Variants in ZNF25 observed in about 807,000 individuals in gnomAD.
ZNF25 encodes the protein zinc finger protein 25.
Under a neutral mutation model 30.9 loss-of-function variants are expected in ZNF25, and 21 were observed. The observed-to-expected ratio is 0.68, with a 90% CI of 0.48 to 0.98. ZNF25 has a LOEUF of 0.98. Among genes scored for constraint, ZNF25 ranks in the 50% least tolerant of loss-of-function variants. The pLI is 0.00. For missense variants in ZNF25, 501 were observed against 529.9 expected (o/e 0.95, Z 0.54); for synonymous variants, 169 against 181.3 (o/e 0.93, Z 0.55).
At chr10:37,961,772 T>G (rs996518961) in intron 2 of ZNF25, among the ~76,000 whole-genome samples, 4 of 148,192 alleles carry the variant, frequency 2.7e-5, no homozygotes, top group Non-Finnish European at 6.0e-5. Context: ...AAATACAAAA[T>G]TAGCCAGGCG....
Position 37,957,527 on chromosome 10 carries a change from T to A in ZNF25, c.35A>T (p.Asp12Val). Residue 12 changes from aspartate (D) to valine (V), a missense_variant, in exon 3 of 6, where the codon GAT becomes GTT. Transcript: ENST00000302609. ...NKFQGPVTLK[D>V]VIVEFTKEEW... ...TTCCTTGGTGAATTCCACAATAACA[T>A]CCTTTAATGTCACGGGTCCCTGGAA... is the stretch of plus-strand genomic sequence containing the variant. 1 of 1,613,508 alleles carries A rather than the reference T, an allele frequency of 6.2e-7. No individual in the cohort carries two copies. The highest frequency in any genetic ancestry group is 8.5e-7 in the Non-Finnish European group (1 of 1,179,726).
intron 4 of ZNF25, among the ~76,000 whole-genome samples, chr10:37,955,197 G>A (rs1323965562): frequency 6.6e-6 from 1 of 151,904 alleles, no homozygotes; most frequent in Non-Finnish European, 1.5e-5. Context: ...TAAGAGCATA[G>A]TAAAATGGAG....
chr10:37,971,135 G>A (rs950996826), intron 2 of ZNF25, among the ~76,000 whole-genome samples: 6 of 151,912 alleles, frequency 3.9e-5, no homozygotes, highest in African/African-American at 7.3e-5. Flanking sequence ...GCCAACATGG[G>A]GAAACCCCTT....
chr10:37,953,658 C>T, intron 5 of ZNF25, 37 bp downstream of exon 5: 1 of 1,600,518 alleles, frequency 6.2e-7, no homozygotes, highest in Non-Finnish European at 8.6e-7. Context: ...CTCTTGCTTA[C>T]AAATCTTCTA....
At chr10:37,958,016 C>T (rs571179946) in intron 2 of ZNF25, among the ~76,000 whole-genome samples, 1 of 152,232 alleles carries the variant, frequency 6.6e-6, no homozygotes, top group African/African-American at 2.4e-5. Flanking sequence ...TCAGCTGTAC[C>T]ATCTAGGCTT....
chr10:37,964,843 G>C (rs2063094176), intron 2 of ZNF25, among the ~76,000 whole-genome samples: 2 of 152,186 alleles, frequency 1.3e-5, no homozygotes, highest in Non-Finnish European at 2.9e-5. Flanking sequence ...AACAATCCAA[G>C]ACAATGGGGA....
At chr10:37,976,446 C>T (rs954619181) in intron 1 of ZNF25, 60 bp downstream of exon 1, 9 of 152,286 alleles carry the variant, frequency 5.9e-5, no homozygotes, top group African/African-American at 1.9e-4. Context: ...CAGGAGGCGG[C>T]TTCCAGGCTC....
intron 2 of ZNF25, among the ~76,000 whole-genome samples, chr10:37,969,883 T>C (rs923133816): frequency 2.0e-5 from 3 of 152,208 alleles, no homozygotes; most frequent in Non-Finnish European, 2.9e-5. Flanking sequence ...CAATTATATG[T>C]AATTTCTTCC....
intron 1 of ZNF25, among the ~76,000 whole-genome samples, chr10:37,972,719 T>C (rs1458195977): frequency 6.6e-6 from 1 of 152,142 alleles, no homozygotes; most frequent in Admixed American, 6.6e-5. Flanking sequence ...GCAGAAACCA[T>C]GCAGGGCATC....
At chr10:37,958,385 G>A (rs2062657443) in intron 2 of ZNF25, among the ~76,000 whole-genome samples, 1 of 152,112 alleles carries the variant, frequency 6.6e-6, no homozygotes, top group Admixed American at 6.5e-5. Flanking sequence ...TAATTTGGTA[G>A]GTATGATACC....
intron 1 of ZNF25, among the ~76,000 whole-genome samples, chr10:37,973,152 G>C (rs573895719): frequency 6.9e-6 from 1 of 145,854 alleles, no homozygotes; most frequent in Non-Finnish European, 1.5e-5. Context: ...TAGGCAACAA[G>C]AGCAAAACTC....
intron 2 of ZNF25, among the ~76,000 whole-genome samples, chr10:37,960,699 G>A (rs79835850): frequency 1.7e-3 from 259 of 149,096 alleles, no homozygotes; most frequent in Non-Finnish European, 2.2e-3. Context: ...ACTAGGCCCA[G>A]ACCATGGAGC....
chr10:37,970,206 T>C (rs1171647025), intron 2 of ZNF25, among the ~76,000 whole-genome samples: 1 of 152,178 alleles, frequency 6.6e-6, no homozygotes, highest in East Asian at 1.9e-4. Flanking sequence ...ATATTCCTCA[T>C]GGTGATAGAT....
Position 37,952,651 on chromosome 10 carries a change from C to T in ZNF25, c.847G>A (p.Glu283Lys), listed in dbSNP as rs747380963. The T allele has an allele frequency of 1.9e-6, 3 of 1,613,768 alleles. No homozygotes were observed. In the Admixed American group the frequency reaches 5.0e-5, roughly 27 times the overall value. Reference protein sequence around the residue: ...LTVHQRMHTGEKPYKCKECGK... With the variant: ...LTVHQRMHTGKKPYKCKECGK... ...CATTCCTTACATTTATAGGGTTTCTCCCCTGTGTGCATTCTCTGATGTACT... is the reference window on the plus strand; with the variant it reads ...CATTCCTTACATTTATAGGGTTTCTTCCCTGTGTGCATTCTCTGATGTACT... The change falls in exon 6 of 6, where the codon GAG becomes AAG. Residue 283 changes from glutamate to lysine, a missense_variant. Glu to Lys is a moderately conservative substitution (Grantham distance 56, BLOSUM62 1). Transcript: ENST00000302609.
chr10:37,953,578 C>G (rs1302744483), intron 5 of ZNF25, 117 bp downstream of exon 5: 1 of 911,306 alleles, frequency 1.1e-6, no homozygotes, highest in Non-Finnish European at 1.7e-6. Flanking sequence ...TTGGGATTTG[C>G]TCTGCAGTGT....
chr10:37,950,565 C>T lies in ZNF25; in HGVS notation c.*1562G>A, dbSNP rs1043908454. 1.5e-5 allele frequency: 2 copies of T among 135,766 alleles called. No individual in the cohort carries two copies. Among genetic ancestry groups the T allele is most frequent in the South Asian group, 4.4e-4 (2 of 4,504 alleles). The allele number at this position is 135,766 out of a possible 1,614,324, so 8.4% of individuals were successfully genotyped here. On this transcript the variant is annotated 3_prime_UTR_variant, in exon 6 of 6. Transcript: ENST00000302609. ...TGGGGAATGAATGTTGGGTAGCCAA[C>T]ATTTTTTTTTTTTTTGCAGCGTAAT...
At chr10:37,961,138 G>C (rs1386016953) in intron 2 of ZNF25, among the ~76,000 whole-genome samples, 1 of 152,134 alleles carries the variant, frequency 6.6e-6, no homozygotes, top group African/African-American at 2.4e-5. Context: ...ACCACATAAT[G>C]CTACCAGGGT....
At chr10:37,966,618 A>G (rs2063204520) in intron 2 of ZNF25, among the ~76,000 whole-genome samples, 1 of 152,026 alleles carries the variant, frequency 6.6e-6, no homozygotes, top group Non-Finnish European at 1.5e-5. Flanking sequence ...AGTGCTACAC[A>G]CTTTTACCCA....
Position 37,950,371 on chromosome 10 carries a change from A to C in ZNF25, c.*1756T>G, listed in dbSNP as rs1190417157. ...ATTCTTTCAACCATTTAGAAATATA[A>C]AACCATTCTTAGCTTGCAGGATACA... On this transcript the variant is annotated 3_prime_UTR_variant, in exon 6 of 6. Coordinates refer to ENST00000302609, the MANE Select transcript of ZNF25 (RefSeq NM_145011.4). 1 of 152,514 alleles carries C rather than the reference A, an allele frequency of 6.6e-6. No homozygotes were observed. Among genetic ancestry groups the C allele is most frequent in the Non-Finnish European group, 1.5e-5 (1 of 68,052 alleles). 9.4% of individuals were successfully genotyped at this position (152,514 alleles called of 1,614,324 possible).
Sources: gnomAD v4.1 joint callset for allele counts (sites outside exome capture counted in the v4.1 genomes callset) on GRCh38, gnomAD v4.1.1 for gene constraint, MANE v1.5 for transcripts, NCBI Gene and HGNC (gene_info 2026-07-23, HGNC 2026-07-21) for gene names.